CSMD3: variants seen among roughly 807,000 people sequenced by gnomAD.
CSMD3 encodes the protein CUB and Sushi multiple domains 3.
Under a neutral mutation model 435.2 loss-of-function variants are expected in CSMD3, and 177 were observed. That is an observed-to-expected ratio of 0.41 (90% CI 0.36 to 0.46). The LOEUF (loss-of-function observed/expected upper bound fraction) is 0.46, where lower values mean the gene tolerates loss of function less well. Ranked by LOEUF, CSMD3 falls within the 20% of genes least tolerant of loss-of-function variation. The probability of loss-of-function intolerance (pLI) is 0.34; values close to 1 mark genes in which losing one functional copy is unlikely to be tolerated. For synonymous variants in CSMD3, 1,656 were observed against 1,520.5 expected (o/e 1.09, Z -2.07); for missense variants, 4,265 against 4,504.6 (o/e 0.95, Z 1.52).
At chr8:112,468,249 T>G (rs2130726190) in intron 32 of CSMD3, among the ~76,000 whole-genome samples, 1 of 151,500 alleles carries the variant, frequency 6.6e-6, no homozygotes, top group South Asian at 2.1e-4. Flanking sequence ...TTTTTTTTTT[T>G]TTTTTTTACC....
chr8:113,084,368 T>A (rs1309844206), intron 5 of CSMD3, among the ~76,000 whole-genome samples: 2 of 151,626 alleles, frequency 1.3e-5, no homozygotes, highest in African/African-American at 4.8e-5. Flanking sequence ...CGCAAAAAAA[T>A]AAAATAATTA....
chr8:112,235,397 A>G (rs1813474977), intron 67 of CSMD3, among the ~76,000 whole-genome samples: 1 of 152,036 alleles, frequency 6.6e-6, no homozygotes, highest in Non-Finnish European at 1.5e-5. Flanking sequence ...AAAAACAAAA[A>G]ACAAAAAACA....
intron 1 of CSMD3, among the ~76,000 whole-genome samples, chr8:113,374,500 ATC>A (rs1376887298): frequency 6.6e-6 from 1 of 152,130 alleles, no homozygotes; most frequent in African/African-American, 2.4e-5. Context: ...TGTATTCCTC[ATC>A]TGTCACCCTA....
rs771709465 is a variant in CSMD3, at chr8:112,689,879, G to C, written c.2144C>G (p.Pro715Arg). Residue 715 changes from proline (P) to arginine (R), a missense_variant, in exon 14 of 71, where the codon CCC (proline) becomes CGC (arginine). Physicochemically the swap from Pro to Arg is moderately radical, Grantham distance 103. Transcript: ENST00000297405. The part of the protein sequence containing the change: ...QENNQWSANI[P>R]ICIFPCLSNF... ...CATTTGGTACTCACAGATACAGATG[G>C]GTATGTTTGCAGACCATTGGTTATT... 1 of 1,612,796 alleles carries C rather than the reference G, an allele frequency of 6.2e-7. No individual in the cohort carries two copies. The highest frequency in any genetic ancestry group is 8.5e-7 in the Non-Finnish European group (1 of 1,179,064).
chr8:112,787,436 G>A (rs767146374), intron 13 of CSMD3, among the ~76,000 whole-genome samples: 4 of 152,004 alleles, frequency 2.6e-5, no homozygotes, highest in Non-Finnish European at 5.9e-5. Flanking sequence ...ATACTGCTAG[G>A]TATGTACCCA....
chr8:112,485,898 T>C (rs899295496), intron 31 of CSMD3, among the ~76,000 whole-genome samples: 2 of 151,984 alleles, frequency 1.3e-5, no homozygotes, highest in African/African-American at 2.4e-5. Context: ...TTAGGCACTT[T>C]TGACAGACCT....
At chr8:112,942,361 C>T (rs1452054319) in intron 9 of CSMD3, among the ~76,000 whole-genome samples, 5 of 151,496 alleles carry the variant, frequency 3.3e-5, no homozygotes, top group African/African-American at 9.7e-5. Flanking sequence ...ACCATTATTG[C>T]GTATATACCC....
chr8:113,358,868 T>A (rs768995059), intron 1 of CSMD3, among the ~76,000 whole-genome samples: 46 of 151,398 alleles, frequency 3.0e-4, no homozygotes, highest in Non-Finnish European at 5.4e-4. Context: ...TTCAATTTCA[T>A]GCCACATAGC....
At chr8:113,397,572 C>G (rs945639542) in intron 1 of CSMD3, among the ~76,000 whole-genome samples, 1 of 152,014 alleles carries the variant, frequency 6.6e-6, no homozygotes, top group Non-Finnish European at 1.5e-5. Flanking sequence ...AATCCCAGCA[C>G]TTTGGGAGGC....
chr8:113,240,557 G>A (rs1189758016), intron 3 of CSMD3, among the ~76,000 whole-genome samples: 1 of 152,082 alleles, frequency 6.6e-6, no homozygotes, highest in Non-Finnish European at 1.5e-5. Context: ...CAACTTCTAA[G>A]TTTCTGCATC....
chr8:113,080,073 ATTGT>A (rs926333130), intron 5 of CSMD3, among the ~76,000 whole-genome samples: 12 of 151,888 alleles, frequency 7.9e-5, no homozygotes, highest in East Asian at 5.8e-4. Context: ...AGGACAGAGG[ATTGT>A]TTGTTTGTTT....
intron 31 of CSMD3, among the ~76,000 whole-genome samples, chr8:112,481,650 T>C (rs1476972455): frequency 6.6e-6 from 1 of 152,194 alleles, no homozygotes. Flanking sequence ...CCTGATTGAA[T>C]GTCACAAATC....
intron 4 of CSMD3, among the ~76,000 whole-genome samples, chr8:113,151,867 A>G (rs763835628): frequency 3.6e-4 from 54 of 152,082 alleles, no homozygotes; most frequent in Non-Finnish European, 6.3e-4. Context: ...TTGTCAAAAT[A>G]TAACAGGAAA....
chr8:113,241,947 C>CTATATATA lies in CSMD3; in HGVS notation c.514+36637_514+36644dup, dbSNP rs753893968. Among the ~76,000 whole-genome samples the CTATATATA allele has an allele frequency of 3.5e-3, 525 of 149,260 alleles. 4 individuals carry two copies. The highest frequency in any genetic ancestry group is 0.012 in the African/African-American group (504 of 40,850). On this transcript the variant is annotated intron_variant, in intron 3 of 70. Coordinates refer to ENST00000297405, the MANE Select transcript of CSMD3 (RefSeq NM_198123.2). ...AGAAAACTGTTTATATAAAAAATTACTATATATATATATACACACACAATT... is the reference window on the plus strand; with the variant it reads ...AGAAAACTGTTTATATAAAAAATTACTATATATATATATATATATATACACACACAATT...
intron 36 of CSMD3, among the ~76,000 whole-genome samples, chr8:112,389,126 T>C (rs2129689935): frequency 6.6e-6 from 1 of 152,344 alleles, no homozygotes; most frequent in South Asian, 2.1e-4. Flanking sequence ...ATCTTCACTA[T>C]GAGACTGGCT....
At chr8:113,307,640 G>A (rs1447583501) in intron 2 of CSMD3, among the ~76,000 whole-genome samples, 1 of 152,060 alleles carries the variant, frequency 6.6e-6, no homozygotes, top group Non-Finnish European at 1.5e-5. Context: ...TCAAATAAAT[G>A]CTATAAAGAT....
chr8:112,849,523 C>CCTA (rs2080424710), intron 11 of CSMD3, among the ~76,000 whole-genome samples: 2 of 152,044 alleles, frequency 1.3e-5, no homozygotes, highest in East Asian at 3.9e-4. Flanking sequence ...AGGTAGCCAA[C>CCTA]ACTAGCATGT....
At chr8:113,218,442 T>C (rs531587410) in intron 3 of CSMD3, among the ~76,000 whole-genome samples, 64 of 147,980 alleles carry the variant, frequency 4.3e-4, no homozygotes, top group African/African-American at 1.5e-3. Flanking sequence ...TTTCATAATC[T>C]TTTAAAAAAT....
chr8:112,585,841 C>T (rs114285794), intron 23 of CSMD3, among the ~76,000 whole-genome samples: 60 of 151,662 alleles, frequency 4.0e-4, no homozygotes, highest in Admixed American at 2.7e-3. Context: ...ATAAAAAGCA[C>T]TGCCTCAGTT....
Sources: allele counts gnomAD v4.1 joint callset (sites outside exome capture counted in the v4.1 genomes callset), GRCh38; gene constraint gnomAD v4.1.1; transcripts MANE v1.5; gene names NCBI Gene and HGNC (gene_info 2026-07-23, HGNC 2026-07-21).